Variants in SLC25A26 observed in about 807,000 individuals in gnomAD.
SLC25A26 encodes the protein solute carrier family 25 member 26.
SLC25A26 carries 36 observed loss-of-function variants against 37.8 expected under a neutral mutation model. That is an observed-to-expected ratio of 0.95 (90% CI 0.73 to 1.26). The LOEUF is 1.26. Among genes scored for constraint, SLC25A26 ranks in the 50% most tolerant of loss-of-function variants. The pLI, the probability that SLC25A26 is intolerant of heterozygous loss-of-function variation, is 0.00. For missense variants in SLC25A26, 390 were observed against 331.1 expected (o/e 1.18, Z -1.38); for synonymous variants, 129 against 122.5 (o/e 1.05, Z -0.35).
chr3:66,146,559 ACTAAT>A (rs1259913442), intron 1 of SLC25A26, among the ~76,000 whole-genome samples: 1 of 152,136 alleles, frequency 6.6e-6, no homozygotes, highest in Non-Finnish European at 1.5e-5. Context: ...GGAAGAGAAA[ACTAAT>A]ATAAGCAAAG....
At chr3:66,331,050 T>C (rs1041840518) in intron 5 of SLC25A26, among the ~76,000 whole-genome samples, 2 of 152,062 alleles carry the variant, frequency 1.3e-5, no homozygotes, top group African/African-American at 4.8e-5. Flanking sequence ...ATCTCTTCTT[T>C]TAAGAGAGCC....
chr3:66,171,813 C>T (rs558751052), intron 1 of SLC25A26, among the ~76,000 whole-genome samples: 5 of 152,178 alleles, frequency 3.3e-5, no homozygotes, highest in Non-Finnish European at 7.3e-5. Context: ...TTCAATTGTT[C>T]TTTAAATGTT....
chr3:66,193,699 T>C (rs2070988762), intron 1 of SLC25A26, among the ~76,000 whole-genome samples: 2 of 152,188 alleles, frequency 1.3e-5, no homozygotes, highest in Admixed American at 6.5e-5. Flanking sequence ...ATTAAAGAAC[T>C]TTTAGATGCT....
intron 1 of SLC25A26, among the ~76,000 whole-genome samples, chr3:66,145,834 G>C (rs998191961): frequency 5.3e-5 from 8 of 151,968 alleles, no homozygotes; most frequent in Non-Finnish European, 7.4e-5. Flanking sequence ...TAAAATTTCA[G>C]AGTGTTTTGT....
intron 5 of SLC25A26, among the ~76,000 whole-genome samples, chr3:66,340,911 A>T (rs1235897175): frequency 6.6e-6 from 1 of 151,530 alleles, no homozygotes; most frequent in Non-Finnish European, 1.5e-5. Flanking sequence ...TTTTTCATTT[A>T]TTTGCTGCTA....
At chr3:66,148,414 G>T (rs2070151180) in intron 1 of SLC25A26, among the ~76,000 whole-genome samples, 1 of 152,210 alleles carries the variant, frequency 6.6e-6, no homozygotes, top group Non-Finnish European at 1.5e-5. Context: ...CCAGAGCCTG[G>T]GGAAAGCTTG....
At chr3:66,216,689 A>G (rs1328938348), upstream of SLC25A26, among the ~76,000 whole-genome samples, 2 of 151,290 alleles carry the variant, frequency 1.3e-5, no homozygotes, top group Non-Finnish European at 2.9e-5. Context: ...TAATTTTTAT[A>G]AATACTATTA....
At chr3:66,268,450 T>G (rs978038402) in intron 5 of SLC25A26, among the ~76,000 whole-genome samples, 4 of 152,218 alleles carry the variant, frequency 2.6e-5, no homozygotes, top group African/African-American at 9.7e-5. Context: ...GTAGTTCTAA[T>G]TTTAATTACA....
intron 3 of SLC25A26, among the ~76,000 whole-genome samples, chr3:66,245,198 G>A (rs1403343937): frequency 6.7e-6 from 1 of 149,242 alleles, no homozygotes; most frequent in Non-Finnish European, 1.5e-5. Flanking sequence ...ATGACCCACT[G>A]TGCCTGGCCA....
intron 5 of SLC25A26, among the ~76,000 whole-genome samples, chr3:66,287,860 C>T (rs376236779): frequency 1.3e-5 from 2 of 152,172 alleles, no homozygotes; most frequent in Non-Finnish European, 2.9e-5. Flanking sequence ...CTCTAAAAAT[C>T]ATGGAATTAA....
chr3:66,146,755 G>A lies in SLC25A26; in HGVS notation c.-354+12771G>A, dbSNP rs571417986. Among the ~76,000 whole-genome samples, 5 of 152,068 alleles carry A rather than the reference G, an allele frequency of 3.3e-5. No individual in the cohort carries two copies. In the South Asian group the frequency reaches 6.2e-4, roughly 19 times the overall value. On this transcript the variant is annotated intron_variant, in intron 1 of 10. Transcript: ENST00000676754. ...TTACATGGACGAATTTTGTAGTGGC[G>A]AATTCTGAGATTTTAATGCACTCAT... is the stretch of plus-strand genomic sequence containing the variant.
At chr3:66,223,654 A>C (rs1330060626) in intron 1 of SLC25A26, among the ~76,000 whole-genome samples, 2 of 152,186 alleles carry the variant, frequency 1.3e-5, no homozygotes, top group Non-Finnish European at 2.9e-5. Flanking sequence ...TGATTGCTGA[A>C]GTCTTGAAAC....
intron 1 of SLC25A26, among the ~76,000 whole-genome samples, chr3:66,186,549 C>A (rs1293211471): frequency 6.6e-6 from 1 of 151,972 alleles, no homozygotes; most frequent in East Asian, 1.9e-4. Flanking sequence ...TGACACTGAC[C>A]CTTAACCTGA....
At chr3:66,362,234 A>G (rs910474067) in intron 6 of SLC25A26, among the ~76,000 whole-genome samples, 1 of 152,212 alleles carries the variant, frequency 6.6e-6, no homozygotes, top group African/African-American at 2.4e-5. Context: ...AAAGACCTGT[A>G]TACAAATGTT....
At chr3:66,175,878 G>A (rs1576613143) in intron 1 of SLC25A26, among the ~76,000 whole-genome samples, 1 of 152,200 alleles carries the variant, frequency 6.6e-6, no homozygotes, top group East Asian at 1.9e-4. Flanking sequence ...AACCTCATCT[G>A]AGAATACTGT....
intron 3 of SLC25A26, among the ~76,000 whole-genome samples, chr3:66,260,381 A>G (rs370171778): frequency 7.2e-5 from 11 of 152,340 alleles, no homozygotes; most frequent in African/African-American, 2.6e-4. Context: ...TGTTGGCCCA[A>G]GTTACAGACA....
intron 5 of SLC25A26, among the ~76,000 whole-genome samples, chr3:66,268,491 A>T (rs540154254): frequency 6.6e-5 from 10 of 152,340 alleles, no homozygotes; most frequent in African/African-American, 2.4e-4. Context: ...CATATATCTG[A>T]GAACAGTTTT....
chr3:66,198,399 T>C (rs1307039187), intron 1 of SLC25A26, among the ~76,000 whole-genome samples: 1 of 152,058 alleles, frequency 6.6e-6, no homozygotes, highest in Admixed American at 6.5e-5. Context: ...ATAGTGGTCA[T>C]ATGTCCATTT....
At chr3:66,354,418 A>C (rs1371611399) in intron 6 of SLC25A26, among the ~76,000 whole-genome samples, 1 of 152,220 alleles carries the variant, frequency 6.6e-6, no homozygotes, top group Non-Finnish European at 1.5e-5. Flanking sequence ...GAAATCAGGG[A>C]CCAATGCATT....
Sources: gnomAD v4.1 joint callset for allele counts (sites outside exome capture counted in the v4.1 genomes callset) on GRCh38, gnomAD v4.1.1 for gene constraint, MANE v1.5 for transcripts, NCBI Gene and HGNC (gene_info 2026-07-23, HGNC 2026-07-21) for gene names.